FAM163A: variants seen among roughly 807,000 people sequenced by gnomAD.
FAM163A encodes the protein family with sequence similarity 163 member A.
In FAM163A, 7 loss-of-function variants were observed where a neutral mutation model predicts 12.0. The ratio of observed to expected loss-of-function variants is 0.58; its 90% confidence interval spans 0.33 to 1.10. FAM163A has a LOEUF of 1.10. Among genes scored for constraint, FAM163A ranks in the 50% least tolerant of loss-of-function variants. FAM163A has a pLI of 0.03. For missense variants in FAM163A, 202 were observed against 218.6 expected, an observed-to-expected ratio of 0.92 and a Z score of 0.48; for synonymous variants, 101 against 91.0, an observed-to-expected ratio of 1.11 and a Z score of -0.62.
At chr1:179,778,917 C>A (rs1454358508) in intron 1 of FAM163A, among the ~76,000 whole-genome samples, 1 of 152,158 alleles carries the variant, frequency 6.6e-6, no homozygotes, top group East Asian at 1.9e-4. Context: ...CCGAGCTAGA[C>A]TCACAGGGTT....
chr1:179,732,503 ATTGT>A, the FAM163A span, among the ~76,000 whole-genome samples: 1 of 152,144 alleles, frequency 6.6e-6, no homozygotes, highest in Non-Finnish European at 1.5e-5. Flanking sequence ...CAGCCAGCAC[ATTGT>A]TTTTTAATGA....
rs1034645553 is a variant in FAM163A at position 179,814,049 on chromosome 1, C to A, written c.364C>A (p.Leu122Ile). The A allele has an allele frequency of 6.2e-7, 1 of 1,613,752 alleles. No homozygotes were observed. The highest frequency in any genetic ancestry group is 1.3e-5 in the African/African-American group (1 of 75,060). ...GCCCAATGGGGGTGGAGGCGAGAGG[C>A]TCTCCTTTGCTCCCACATACTACAA... ...MVPNGGGGER[L>I]SFAPTYYKEG... Residue 122 changes from leucine to isoleucine, a missense_variant, in exon 5 of 5, where the codon CTC becomes ATC. Coordinates refer to ENST00000341785, the MANE Select transcript of FAM163A (RefSeq NM_173509.3).
chr1:179,741,899 G>C (rs1195526282), upstream of FAM163A: 2 of 152,178 alleles, frequency 1.3e-5, no homozygotes, highest in African/African-American at 4.8e-5. Flanking sequence ...TGACCTGGGT[G>C]GTGTTTGGTT....
At chr1:179,812,491 C>T (rs568555283) in intron 3 of FAM163A, among the ~76,000 whole-genome samples, 2 of 152,286 alleles carry the variant, frequency 1.3e-5, no homozygotes, top group South Asian at 2.1e-4. Flanking sequence ...CTGGTGTTTT[C>T]GAGATGTGGC....
chr1:179,783,239 A>G (rs1690052549), intron 1 of FAM163A, among the ~76,000 whole-genome samples: 1 of 152,208 alleles, frequency 6.6e-6, no homozygotes, highest in African/African-American at 2.4e-5. Flanking sequence ...TATGTGGAAA[A>G]GACTGAGTAG....
chr1:179,767,409 T>G (rs897244421), intron 1 of FAM163A, among the ~76,000 whole-genome samples: 2 of 152,130 alleles, frequency 1.3e-5, no homozygotes, highest in Non-Finnish European at 2.9e-5. Flanking sequence ...TCCCCTCCAC[T>G]GCCAGCTCTC....
chr1:179,776,298 A>T (rs753172824), intron 1 of FAM163A, among the ~76,000 whole-genome samples: 1 of 151,884 alleles, frequency 6.6e-6, no homozygotes, highest in East Asian at 1.9e-4. Flanking sequence ...GGAGTTCAAG[A>T]CCTGACCAAC....
At chr1:179,787,444 C>T (rs1245475322) in intron 1 of FAM163A, among the ~76,000 whole-genome samples, 3 of 152,200 alleles carry the variant, frequency 2.0e-5, no homozygotes, top group Admixed American at 6.5e-5. Flanking sequence ...AAGGTTCCCT[C>T]GCGCACAGTT....
intron 1 of FAM163A, among the ~76,000 whole-genome samples, chr1:179,779,010 C>T: frequency 6.6e-6 from 1 of 152,000 alleles, no homozygotes; most frequent in East Asian, 1.9e-4. Flanking sequence ...GCTGGAGGAG[C>T]CTTCAAAAGG....
At chr1:179,778,155 T>A (rs1229669710) in intron 1 of FAM163A, among the ~76,000 whole-genome samples, 1 of 152,198 alleles carries the variant, frequency 6.6e-6, no homozygotes, top group Non-Finnish European at 1.5e-5. Context: ...ATGTAACAAA[T>A]CATTTTCCCA....
At chr1:179,758,167 G>A (rs75503627) in intron 1 of FAM163A, among the ~76,000 whole-genome samples, 2 of 152,128 alleles carry the variant, frequency 1.3e-5, no homozygotes, top group African/African-American at 4.8e-5. Flanking sequence ...AGGCAGAATC[G>A]GGTGGTGACT....
rs1427451357 is a variant in FAM163A, at chr1:179,775,392, C to T, written c.-136+31969C>T. On this transcript the variant is annotated intron_variant, in intron 1 of 4. Transcript: ENST00000341785. The stretch of plus-strand genomic sequence containing the variant: ...GCAGACAGCCAGTTTCTATCTGCCA[C>T]GCAGAAAAGGTGGGGATTTGCAAAG... Among the ~76,000 whole-genome samples, 5 of 152,342 alleles carry T rather than the reference C, an allele frequency of 3.3e-5. No homozygotes were observed. The East Asian group carries it at 5.8e-4, about 18-fold the overall frequency.
the FAM163A span, among the ~76,000 whole-genome samples, chr1:179,738,055 C>A: frequency 6.6e-6 from 1 of 151,888 alleles, no homozygotes; most frequent in Non-Finnish European, 1.5e-5. Context: ...GTTCTTGGCA[C>A]ATGTGGAATC....
In FAM163A at chr1:179,745,076, C is replaced by G. The variant is rs948583915; in HGVS notation, c.-136+1653C>G. On this transcript the variant is annotated intron_variant, in intron 1 of 4. Transcript: ENST00000341785. Reference sequence around the variant, plus strand: ...TGCTCTGAAAACAGATTTTCTTAGCCTTCTCTAGGGAGGTTTCAGTTCCCA... The same window carrying G: ...TGCTCTGAAAACAGATTTTCTTAGCGTTCTCTAGGGAGGTTTCAGTTCCCA... Among the ~76,000 whole-genome samples, 12 of 152,100 alleles carry G rather than the reference C, an allele frequency of 7.9e-5. 1 individual carries two copies. Among genetic ancestry groups the G allele is most frequent in the Admixed American group, 2.6e-4 (4 of 15,278 alleles).
intron 1 of FAM163A, among the ~76,000 whole-genome samples, chr1:179,791,938 G>A (rs556947307): frequency 3.9e-5 from 6 of 152,170 alleles, no homozygotes; most frequent in Admixed American, 6.5e-5. Flanking sequence ...CCTTTATTCC[G>A]ATGTCTTCCT....
intron 1 of FAM163A, among the ~76,000 whole-genome samples, chr1:179,747,444 C>A (rs1219669166): frequency 6.6e-6 from 1 of 152,180 alleles, no homozygotes; most frequent in Non-Finnish European, 1.5e-5. Flanking sequence ...ATGGGACAGG[C>A]TGTTGAATAG....
At chr1:179,805,911 C>G (rs1379688837) in intron 1 of FAM163A, among the ~76,000 whole-genome samples, 1 of 152,240 alleles carries the variant, frequency 6.6e-6, no homozygotes, top group Non-Finnish European at 1.5e-5. Context: ...ATCTCTCTTC[C>G]AGGAGTCTTT....
intron 1 of FAM163A, among the ~76,000 whole-genome samples, chr1:179,767,088 C>T (rs761168809): frequency 6.6e-6 from 1 of 152,106 alleles, no homozygotes; most frequent in African/African-American, 2.4e-5. Context: ...AAACAGGAGT[C>T]CTCCCTGCCA....
rs143181638 is a variant in FAM163A at position 179,804,785 on chromosome 1, G to A, written c.-135-3013G>A. Among the ~76,000 whole-genome samples the A allele has an allele frequency of 4.3e-4, 66 of 152,260 alleles. No individual in the cohort carries two copies. In the East Asian group the frequency reaches 0.012, roughly 27 times the overall value. On this transcript the variant is annotated intron_variant, in intron 1 of 4. Transcript: ENST00000341785. ...CCCATGAACACAGAGAGGGAATAAT[G>A]CATACTGGGGCCTAATTAAGGGTGG...
Sources: allele counts gnomAD v4.1 joint callset (sites outside exome capture counted in the v4.1 genomes callset), GRCh38; gene constraint gnomAD v4.1.1; transcripts MANE v1.5; gene names NCBI Gene and HGNC (gene_info 2026-07-23, HGNC 2026-07-21).